Variants in STK36 observed in about 807,000 individuals in gnomAD.
STK36 encodes the protein serine/threonine-protein kinase 36.
Under a neutral mutation model 142.2 loss-of-function variants are expected in STK36, and 116 were observed. That is an observed-to-expected ratio of 0.82 (90% CI 0.70 to 0.95). The LOEUF is 0.95. Among genes scored for constraint, STK36 ranks in the 40% least tolerant of loss-of-function variants. The pLI, the probability that STK36 is intolerant of heterozygous loss-of-function variation, is 0.00. For missense variants in STK36, 1,422 were observed against 1,617.2 expected, an observed-to-expected ratio of 0.88 and a Z score of 2.07; for synonymous variants, 619 against 641.7, an observed-to-expected ratio of 0.96 and a Z score of 0.53.
At chr2:218,692,506 A>C in intron 15 of STK36, 77 bp from the exon 16 acceptor site, 4 of 1,534,814 alleles carry the variant, frequency 2.6e-6, no homozygotes, top group Non-Finnish European at 3.5e-6. Context: ...TCCTGCTGCC[A>C]TGTCGGTGAG....
At chr2:218,676,620 T>C (rs1940260949) in intron 6 of STK36, among the ~76,000 whole-genome samples, 1 of 137,322 alleles carries the variant, frequency 7.3e-6, no homozygotes. Context: ...TGCTACACGC[T>C]TTTTTTTTTT....
chr2:218,699,380 A>T (rs368984151), intron 26 of STK36, 32 bp downstream of exon 26: 4 of 1,596,412 alleles, frequency 2.5e-6, no homozygotes, highest in Non-Finnish European at 3.4e-6. Flanking sequence ...AACCATGATG[A>T]TCAGGGCCCC....
chr2:218,699,912 G>A (rs1051502179), intron 26 of STK36, among the ~76,000 whole-genome samples: 7 of 151,336 alleles, frequency 4.6e-5, no homozygotes, highest in Admixed American at 1.3e-4. Context: ...CCTCTTCTGC[G>A]CAACTTTCTT....
chr2:218,677,834 AG>A (rs1168472986), intron 6 of STK36, among the ~76,000 whole-genome samples: 1 of 152,202 alleles, frequency 6.6e-6, no homozygotes. Flanking sequence ...TCTGTCACCC[AG>A]GCTGGAGTGC....
intron 25 of STK36, 122 bp downstream of exon 25, chr2:218,698,123 C>A: frequency 7.2e-7 from 1 of 1,391,810 alleles, no homozygotes; most frequent in Non-Finnish European, 9.7e-7. Flanking sequence ...GCTGGCTTGA[C>A]TCAAAAGTTG....
chr2:218,676,074 C>G lies in STK36; in HGVS notation c.480C>G (p.Ile160Met). 1.2e-6 allele frequency: 2 copies of G among 1,614,184 alleles called. No individual in the cohort carries two copies. The highest frequency in any genetic ancestry group is 1.7e-6 in the Non-Finnish European group (2 of 1,180,036). The part of the protein sequence containing the change: ...MSTNTMVLTS[I>M]KGTPLYMSPE... The stretch of plus-strand genomic sequence containing the variant: ...CCAATACAATGGTGCTGACATCCAT[C>G]AAAGGCACACCACTCTATATGTCTC... The change falls in exon 6 of 27, where the codon ATC becomes ATG. Residue 160 changes from isoleucine (I) to methionine (M), a missense_variant. Ile to Met is a conservative substitution (Grantham distance 10). Transcript: ENST00000295709.
chr2:218,689,534 A>T (rs1050213212), intron 12 of STK36, among the ~76,000 whole-genome samples: 1 of 152,222 alleles, frequency 6.6e-6, no homozygotes, highest in Non-Finnish European at 1.5e-5. Flanking sequence ...GCCTAGGATG[A>T]GGCAGCTGGA....
rs759102359 is a variant in STK36, at chr2:218,694,503, TC to T, written c.2401-20del. On this transcript the variant is annotated intron_variant, in intron 20 of 26. Coordinates refer to ENST00000295709, the MANE Select transcript of STK36 (RefSeq NM_015690.5). The surrounding 1 kb of genome is among the most constrained non-coding windows in gnomAD (Gnocchi z 4.4). ...GCCATTTAGATTTGGACATTCTTTCTCCTCTTTTACCTCTCCCACAGAGTGC... is the reference window on the plus strand; with the variant it reads ...GCCATTTAGATTTGGACATTCTTTCTCTCTTTTACCTCTCCCACAGAGTGC... The T allele has an allele frequency of 9.9e-6, 16 of 1,609,610 alleles. No homozygotes were observed. In the Admixed American group the frequency reaches 2.7e-4, roughly 27 times the overall value.
Position 218,693,237 on chromosome 2 carries a change from T to C in STK36, c.2044-3T>C, listed in dbSNP as rs371024388. 16 of 1,614,000 alleles carry C rather than the reference T, an allele frequency of 9.9e-6. No homozygotes were observed. The highest frequency in any genetic ancestry group is 1.3e-5 in the Non-Finnish European group (15 of 1,179,866). On this transcript the variant is annotated splice_region_variant and splice_polypyrimidine_tract_variant and intron_variant, in intron 16 of 26. Transcript: ENST00000295709. ...GATTGAGCCTTCAGGTATGTCTCTA[T>C]AGGTCTGTTGGCATTTGGCAAATCA...
Position 218,680,616 on chromosome 2 carries a change from A to G in STK36, c.1150A>G (p.Thr384Ala), listed in dbSNP as rs770006854. The part of the protein sequence containing the change: ...VPSAPRENRT[T>A]PDCERAFPEE... ...TTCCTCCGGCAGGGAAAACCGGACC[A>G]CCCCAGATTGTGAACGAGCATTCCC... is the stretch of plus-strand genomic sequence containing the variant. Residue 384 changes from threonine to alanine, a missense_variant, in exon 10 of 27, where the codon ACC becomes GCC. This residue lies in a region of STK36 where 962 missense variants were observed against 1,167.5 expected (regional missense o/e 0.82). Coordinates refer to ENST00000295709, the MANE Select transcript of STK36 (RefSeq NM_015690.5). 6.2e-7 allele frequency: 1 copy of G among 1,613,220 alleles called. No individual in the cohort carries two copies. Among genetic ancestry groups the G allele is most frequent in the South Asian group, 1.1e-5 (1 of 90,726 alleles).
intron 5 of STK36, 86 bp from the exon 6 acceptor site, chr2:218,675,943 G>A (rs1262268555): frequency 1.0e-5 from 16 of 1,548,468 alleles, no homozygotes; most frequent in African/African-American, 9.5e-5. Context: ...CCTCTGCTCC[G>A]GTTTGGGATA....
rs1022849808 is a variant in STK36, at chr2:218,685,104, A to G, written c.1256A>G (p.Glu419Gly). The change falls in exon 11 of 27, where the codon GAG (glutamate) becomes GGG (glycine). Residue 419 changes from glutamate (E) to glycine (G), a missense_variant. Glu to Gly is a moderately conservative substitution (Grantham distance 98, BLOSUM62 -2). Transcript: ENST00000295709. The stretch of plus-strand genomic sequence containing the variant: ...CCTCAGGAGCCAGACAGTGACAATG[A>G]GTGGCAGCACCTGCTAGAGACCACT... ...LENEEPDSDN[E>G]WQHLLETTEP... The G allele has an allele frequency of 6.2e-7, 1 of 1,613,978 alleles. No individual in the cohort carries two copies. The highest frequency in any genetic ancestry group is 1.3e-5 in the African/African-American group (1 of 74,888).
rs1346397375 is a variant in STK36, at chr2:218,694,068, CA to C, written c.2336+86del. ...AAAGAGTATGGGGAATGGTACCCTA[CA>C]GCATATCCTTAGGAGGAATTGGGAT... On this transcript the variant is annotated intron_variant, in intron 19 of 26. Transcript: ENST00000295709. This position sits in a 1 kb window ranked among gnomAD's most constrained non-coding sequence, Gnocchi z 4.4. The C allele has an allele frequency of 1.5e-6, 2 of 1,378,986 alleles. No homozygotes were observed. The highest frequency in any genetic ancestry group is 4.6e-5 in the East Asian group (2 of 43,708). The allele number at this position is 1,378,986 out of a possible 1,614,324, so 85.4% of individuals were successfully genotyped here.
chr2:218,685,588 CAATT>C (rs941376674), intron 11 of STK36, among the ~76,000 whole-genome samples: 20 of 152,054 alleles, frequency 1.3e-4, no homozygotes, highest in African/African-American at 2.9e-4. Flanking sequence ...ATAAATGTAA[CAATT>C]AAATATACAA....
In STK36 at chr2:218,683,565, A is replaced by C. The variant is rs542776403; in HGVS notation, c.1237-1520A>C. On this transcript the variant is annotated intron_variant, in intron 10 of 26. Transcript: ENST00000295709. The stretch of plus-strand genomic sequence containing the variant: ...TGGGATTACAGGCATGAGCCACTGC[A>C]CCAGGCCTATTTTTATTTATTTATT... 3.0e-4 allele frequency among the ~76,000 whole-genome samples: 46 copies of C among 152,082 alleles called. No individual in the cohort carries two copies. The South Asian group carries it at 4.2e-3, about 14-fold the overall frequency.
intron 10 of STK36, 112 bp downstream of exon 10, chr2:218,680,814 GT>G: frequency 2.6e-6 from 2 of 779,422 alleles, no homozygotes; most frequent in Non-Finnish European, 4.1e-6. Flanking sequence ...CTCCCTTTGT[GT>G]TAAAAAGTAT....
Position 218,694,401 on chromosome 2 carries a change from A to G in STK36, c.2400+74A>G, listed in dbSNP as rs1941144376. On this transcript the variant is annotated intron_variant, in intron 20 of 26. Transcript: ENST00000295709. This position sits in a 1 kb window ranked among gnomAD's most constrained non-coding sequence, Gnocchi z 4.4. Reference sequence around the variant, plus strand: ...CCCTTGTGGAAGTGGGGGAGTCACTATCCAATTTGCATCTGTTTCTGGAGG... The same window carrying G: ...CCCTTGTGGAAGTGGGGGAGTCACTGTCCAATTTGCATCTGTTTCTGGAGG... 9.2e-6 allele frequency: 14 copies of G among 1,520,764 alleles called. No homozygotes were observed. In the East Asian group the frequency reaches 1.1e-4, roughly 12 times the overall value. The allele number at this position is 1,520,764 out of a possible 1,614,324, so 94.2% of individuals were successfully genotyped here. A position where few individuals can be genotyped will look rare whatever the true frequency, so the allele number is the denominator to read the frequency against.
intron 6 of STK36, 99 bp from the exon 7 acceptor site, chr2:218,679,069 G>A (rs1685166164): frequency 8.8e-7 from 1 of 1,139,870 alleles, no homozygotes; most frequent in African/African-American, 1.5e-5. Flanking sequence ...CATCTGCTGT[G>A]AGGATGGATG....
intron 6 of STK36, among the ~76,000 whole-genome samples, chr2:218,676,533 A>ACAAT (rs2106344405): frequency 6.6e-6 from 1 of 152,188 alleles, no homozygotes; most frequent in Non-Finnish European, 1.5e-5. Flanking sequence ...CAGGAAACTT[A>ACAAT]CAATCATGAC....
Sources: gnomAD v4.1 joint callset for allele counts (sites outside exome capture counted in the v4.1 genomes callset) on GRCh38, gnomAD v4.1.1 for gene constraint, gnomAD v4.1.1 regional missense constraint, Gnocchi (gnomAD v3.1) non-coding constraint, MANE v1.5 for transcripts, NCBI Gene and HGNC (gene_info 2026-07-23, HGNC 2026-07-21) for gene names.